The following FSTL5 variants were observed in gnomAD, a reference collection of about 807,000 sequenced individuals.
FSTL5 encodes the protein follistatin-related protein 5.
FSTL5 carries 62 observed loss-of-function variants against 89.1 expected under a neutral mutation model. That is an observed-to-expected ratio of 0.70 (90% CI 0.57 to 0.86). The LOEUF is 0.86. Among genes scored for constraint, FSTL5 ranks in the 40% least tolerant of loss-of-function variants. FSTL5 has a pLI of 0.00. For synonymous variants in FSTL5, 383 were observed against 346.2 expected, an observed-to-expected ratio of 1.11 and a Z score of -1.18; for missense variants, 1,057 against 1,001.6, an observed-to-expected ratio of 1.06 and a Z score of -0.75.
chr4:161,976,686 T>A (rs1239714647), intron 3 of FSTL5, among the ~76,000 whole-genome samples: 1 of 152,040 alleles, frequency 6.6e-6, no homozygotes, highest in Non-Finnish European at 1.5e-5. Context: ...TTTCACCTTG[T>A]TGGCCAGGAT....
At chr4:162,143,807 CACACACACACACAT>C (rs1298672820) in intron 1 of FSTL5, among the ~76,000 whole-genome samples, 4 of 139,464 alleles carry the variant, frequency 2.9e-5, no homozygotes, top group South Asian at 4.5e-4. Context: ...CACACACACA[CACACACACACACAT>C]ACAAACACAC....
intron 2 of FSTL5, 49 bp from the exon 3 acceptor site, chr4:162,033,707 T>C (rs758359221): frequency 4.0e-6 from 4 of 1,007,452 alleles, no homozygotes. Context: ...AAATATGTGA[T>C]CAACTGTTTC....
chr4:162,058,229 A>T (rs890615817), intron 2 of FSTL5, among the ~76,000 whole-genome samples: 1 of 151,982 alleles, frequency 6.6e-6, no homozygotes, highest in African/African-American at 2.4e-5. Flanking sequence ...AGTGATGAGG[A>T]AGCAAATTCA....
chr4:161,770,902 C>G (rs1042878826), intron 5 of FSTL5, among the ~76,000 whole-genome samples: 4 of 151,858 alleles, frequency 2.6e-5, no homozygotes, highest in African/African-American at 9.7e-5. Flanking sequence ...TTAGTTGTCT[C>G]TAGGAGAGAA....
At chr4:162,160,026 G>T (rs1733633118) in intron 1 of FSTL5, among the ~76,000 whole-genome samples, 1 of 146,906 alleles carries the variant, frequency 6.8e-6, no homozygotes, top group African/African-American at 2.5e-5. Flanking sequence ...TAGCTAGCAT[G>T]TCTTTAACTT....
At chr4:161,620,931 A>C (rs182599767) in intron 7 of FSTL5, among the ~76,000 whole-genome samples, 16 of 152,280 alleles carry the variant, frequency 1.1e-4, no homozygotes, top group African/African-American at 3.4e-4. Flanking sequence ...ATAGATTCAT[A>C]ATCATAATCA....
At chr4:161,674,800 G>A (rs927016924) in intron 6 of FSTL5, among the ~76,000 whole-genome samples, 4 of 152,182 alleles carry the variant, frequency 2.6e-5, no homozygotes, top group African/African-American at 9.6e-5. Flanking sequence ...TGAAGAAGAT[G>A]CTTTTCAGTC....
At chr4:161,390,495 T>C (rs969341207) in intron 15 of FSTL5, among the ~76,000 whole-genome samples, 1 of 152,174 alleles carries the variant, frequency 6.6e-6, no homozygotes, top group Non-Finnish European at 1.5e-5. Flanking sequence ...GCAGCAATTC[T>C]TGCAATTGAG....
chr4:161,961,489 C>T (rs1359602463), intron 3 of FSTL5, among the ~76,000 whole-genome samples: 1 of 150,104 alleles, frequency 6.7e-6, no homozygotes, highest in Non-Finnish European at 1.5e-5. Flanking sequence ...AATTAGTAAT[C>T]AAATAATGTT....
chr4:161,925,071 TAA>T (rs1353477875), intron 3 of FSTL5, among the ~76,000 whole-genome samples: 1 of 151,788 alleles, frequency 6.6e-6, no homozygotes, highest in Middle Eastern at 3.2e-3. Context: ...AGTTGTAAAA[TAA>T]GAGGTAACCA....
intron 3 of FSTL5, among the ~76,000 whole-genome samples, chr4:162,025,819 T>C (rs1737258408): frequency 6.6e-6 from 1 of 151,956 alleles, no homozygotes; most frequent in African/African-American, 2.4e-5. Context: ...GTCTATCTAC[T>C]TAGTATCATA....
chr4:162,145,857 T>G (rs2111496571), intron 1 of FSTL5, among the ~76,000 whole-genome samples: 1 of 152,276 alleles, frequency 6.6e-6, no homozygotes, highest in East Asian at 1.9e-4. Flanking sequence ...ATGATGATTC[T>G]CCAAGGCCAG....
chr4:161,805,356 A>T (rs1729932121), intron 4 of FSTL5, among the ~76,000 whole-genome samples: 1 of 152,250 alleles, frequency 6.6e-6, no homozygotes, highest in Admixed American at 6.5e-5. Context: ...CAAGAAAGCA[A>T]GATTATAAAA....
At chr4:161,610,057 T>C (rs947703952) in intron 7 of FSTL5, among the ~76,000 whole-genome samples, 3 of 152,136 alleles carry the variant, frequency 2.0e-5, no homozygotes, top group Non-Finnish European at 2.9e-5. Flanking sequence ...AGTACGTGTA[T>C]GTGTCAATTA....
chr4:161,749,620 AC>A (rs1740324815), intron 6 of FSTL5, among the ~76,000 whole-genome samples: 1 of 151,628 alleles, frequency 6.6e-6, no homozygotes, highest in South Asian at 2.1e-4. Context: ...ACACGGTGAA[AC>A]CCCATCTCTA....
At chr4:162,147,659 G>A (rs1733054736) in intron 1 of FSTL5, among the ~76,000 whole-genome samples, 1 of 152,098 alleles carries the variant, frequency 6.6e-6, no homozygotes, top group African/African-American at 2.4e-5. Flanking sequence ...TTTCCAGAAA[G>A]TTTTTATTGT....
intron 2 of FSTL5, among the ~76,000 whole-genome samples, chr4:162,041,634 G>A (rs1737963544): frequency 6.6e-6 from 1 of 151,908 alleles, no homozygotes; most frequent in African/African-American, 2.4e-5. Context: ...TGTATTTGCT[G>A]TGTTTATGTA....
intron 4 of FSTL5, among the ~76,000 whole-genome samples, chr4:161,845,806 G>A (rs1228823938): frequency 1.3e-5 from 2 of 152,140 alleles, no homozygotes; most frequent in Non-Finnish European, 2.9e-5. Context: ...AGCACTTTGG[G>A]AGGCCAAGGT....
In FSTL5 at chr4:161,481,022, G is replaced by A; in HGVS notation, c.1606C>T (p.Gln536Ter). 1 of 1,606,884 alleles carries A rather than the reference G, an allele frequency of 6.2e-7. No individual in the cohort carries two copies. The highest frequency in any genetic ancestry group is 8.5e-7 in the Non-Finnish European group (1 of 1,175,966). Reference sequence around the variant, plus strand: ...TAAAAAGTAGTAATTATTCATACCTGAACAACTTTTTGGGACTGCACATCA... The same window carrying A: ...TAAAAAGTAGTAATTATTCATACCTAAACAACTTTTTGGGACTGCACATCA... ...IVDVQSQKVVQAVSTDPVPVK... is the reference protein window; with the variant it reads ...IVDVQSQKVV Residue 536 changes from glutamine to a stop codon, truncating the protein, a stop_gained and splice_region_variant, in exon 13 of 16, where the codon CAG becomes TAG. Coordinates refer to ENST00000306100, the MANE Select transcript of FSTL5 (RefSeq NM_020116.5). LOFTEE classifies it high-confidence loss of function.
Sources: allele counts gnomAD v4.1 joint callset (sites outside exome capture counted in the v4.1 genomes callset), GRCh38; gene constraint gnomAD v4.1.1; transcripts MANE v1.5; gene names NCBI Gene and HGNC (gene_info 2026-07-23, HGNC 2026-07-21).